The following TMEM182 variants were observed in gnomAD, a reference collection of about 807,000 sequenced individuals.
The protein encoded by TMEM182 is transmembrane protein 182.
In TMEM182, 20 loss-of-function variants were observed where a neutral mutation model predicts 26.8. That is an observed-to-expected ratio of 0.75 (90% CI 0.53 to 1.09). TMEM182 has a LOEUF of 1.09. Among genes scored for constraint, TMEM182 ranks in the 50% least tolerant of loss-of-function variants. The pLI is 0.00. For missense variants in TMEM182, 277 were observed against 275.5 expected (o/e 1.01, Z -0.04); for synonymous variants, 109 against 102.2 (o/e 1.07, Z -0.40).
chr2:102,764,683 A>T (rs1355463126), intron 3 of TMEM182, among the ~76,000 whole-genome samples: 1 of 152,166 alleles, frequency 6.6e-6, no homozygotes, highest in Non-Finnish European at 1.5e-5. Context: ...GTTTTCCCAT[A>T]TGAAGATAGT....
At chr2:102,840,595 C>G (rs913696630) in intron 3 of TMEM182, among the ~76,000 whole-genome samples, 1 of 151,934 alleles carries the variant, frequency 6.6e-6, no homozygotes, top group Non-Finnish European at 1.5e-5. Context: ...AATAAAGAGC[C>G]AAGGAATTAA....
At chr2:102,803,891 G>A (rs1485004496) in intron 4 of TMEM182, among the ~76,000 whole-genome samples, 7 of 151,622 alleles carry the variant, frequency 4.6e-5, no homozygotes, top group South Asian at 2.1e-4. Context: ...GCAGGCACAC[G>A]CAGCCCTGCC....
intron 4 of TMEM182, among the ~76,000 whole-genome samples, chr2:102,799,869 C>A (rs1682041597): frequency 6.6e-6 from 1 of 152,002 alleles, no homozygotes; most frequent in African/African-American, 2.4e-5. Context: ...GGAGAGGGGA[C>A]CTTTGTGGTT....
chr2:102,764,942 G>C (rs1239280072), intron 3 of TMEM182, among the ~76,000 whole-genome samples: 1 of 151,836 alleles, frequency 6.6e-6, no homozygotes. Flanking sequence ...CAGACAGACA[G>C]ATATCATTAA....
intron 3 of TMEM182, among the ~76,000 whole-genome samples, chr2:102,790,663 T>A (rs917969482): frequency 5.3e-5 from 8 of 152,204 alleles, no homozygotes; most frequent in African/African-American, 1.9e-4. Context: ...TATTTTTCCT[T>A]CCTGAAGGAT....
rs551181020 is a variant in TMEM182 at position 102,817,262 on chromosome 2, T to G, written c.*2294T>G. ...TTATTTCTCTATTGGTTGTATTTAT[T>G]AATTTTTAGAAGCCTTTAAACTGTG... On this transcript the variant is annotated 3_prime_UTR_variant, in exon 5 of 5. Coordinates refer to ENST00000412401, the MANE Select transcript of TMEM182 (RefSeq NM_144632.5). 1.0e-6 allele frequency: 1 copy of G among 985,300 alleles called. No individual in the cohort carries two copies. The highest frequency in any genetic ancestry group is 1.1e-4 in the East Asian group (1 of 8,816). The allele number at this position is 985,300 out of a possible 1,614,324, so 61.0% of individuals were successfully genotyped here. A position where few individuals can be genotyped will look rare whatever the true frequency, so the allele number is the denominator to read the frequency against.
chr2:102,808,861 T>C (rs1682444778), intron 4 of TMEM182, among the ~76,000 whole-genome samples: 1 of 152,358 alleles, frequency 6.6e-6, no homozygotes, highest in African/African-American at 2.4e-5. Flanking sequence ...ATTCCATTTA[T>C]AATGACGTTC....
At chr2:102,795,822 G>A (rs1681847451) in intron 3 of TMEM182, among the ~76,000 whole-genome samples, 2 of 152,120 alleles carry the variant, frequency 1.3e-5, no homozygotes, top group South Asian at 4.1e-4. Flanking sequence ...TGAATTCTGA[G>A]TTCTGGCCTC....
intron 4 of TMEM182, among the ~76,000 whole-genome samples, chr2:102,806,702 A>G (rs1682362778): frequency 6.6e-6 from 1 of 152,196 alleles, no homozygotes; most frequent in Non-Finnish European, 1.5e-5. Flanking sequence ...CATGCTTATT[A>G]GTTGTTTGTC....
intron 3 of TMEM182, among the ~76,000 whole-genome samples, chr2:102,778,618 G>C (rs1681029705): frequency 6.6e-6 from 1 of 151,780 alleles, no homozygotes; most frequent in African/African-American, 2.4e-5. Context: ...TTAGAATTCT[G>C]TTTTGATTTA....
chr2:102,786,548 C>T (rs1210405980), intron 3 of TMEM182, among the ~76,000 whole-genome samples: 7 of 152,240 alleles, frequency 4.6e-5, no homozygotes, highest in East Asian at 1.9e-4. Flanking sequence ...TGTTAACATT[C>T]GAAACCTTGA....
chr2:102,741,305 G>A lies in TMEM182; in HGVS notation c.-83+4292G>A, dbSNP rs554574180. Among the ~76,000 whole-genome samples the A allele has an allele frequency of 3.3e-5, 5 of 152,284 alleles. No individual in the cohort carries two copies. The South Asian group carries it at 1.0e-3, about 32-fold the overall frequency. On this transcript the variant is annotated intron_variant, in intron 1 of 5. Coordinates refer to the TMEM182 transcript ENST00000409173. ...CATGAGAGTTAGAAACTCTTAGAGA[G>A]TTAGTTTTAGGGATACCCCCACAAT...
At chr2:102,805,609 A>G (rs1298487953) in intron 4 of TMEM182, among the ~76,000 whole-genome samples, 1 of 127,742 alleles carries the variant, frequency 7.8e-6, no homozygotes, top group Non-Finnish European at 1.5e-5. Flanking sequence ...TCGTTCCCTC[A>G]AAAAAAAAAA....
upstream of TMEM182, among the ~76,000 whole-genome samples, chr2:102,757,886 A>G (rs1466078365): frequency 6.6e-6 from 1 of 152,206 alleles, no homozygotes; most frequent in African/African-American, 2.4e-5. Flanking sequence ...TGTGGCAGGA[A>G]AAAGAGAGTG....
chr2:102,826,065 C>A (rs1469033747), intron 3 of TMEM182, among the ~76,000 whole-genome samples: 1 of 152,130 alleles, frequency 6.6e-6, no homozygotes, highest in East Asian at 1.9e-4. Context: ...TTTAAATTCT[C>A]CACTGGCCAC....
chr2:102,791,807 T>G (rs1294720122), intron 3 of TMEM182, among the ~76,000 whole-genome samples: 1 of 152,142 alleles, frequency 6.6e-6, no homozygotes, highest in Non-Finnish European at 1.5e-5. Context: ...AATGGATTTT[T>G]AGAGATGCTT....
chr2:102,757,501 T>G (rs1680078761), upstream of TMEM182: 1 of 152,124 alleles, frequency 6.6e-6, no homozygotes, highest in Non-Finnish European at 1.5e-5. Flanking sequence ...ACACTGGTTG[T>G]TTCATATTCT....
intron 3 of TMEM182, among the ~76,000 whole-genome samples, chr2:102,779,592 C>T (rs1681072005): frequency 6.6e-6 from 1 of 152,060 alleles, no homozygotes; most frequent in Admixed American, 6.6e-5. Flanking sequence ...TTTTCTCTGT[C>T]CCCTTCATTC....
chr2:102,785,308 A>G (rs1681342505), intron 3 of TMEM182, among the ~76,000 whole-genome samples: 1 of 152,102 alleles, frequency 6.6e-6, no homozygotes, highest in Non-Finnish European at 1.5e-5. Context: ...CTCCCCTTTA[A>G]GAATCACCTC....
Sources: allele counts gnomAD v4.1 joint callset (sites outside exome capture counted in the v4.1 genomes callset), GRCh38; gene constraint gnomAD v4.1.1; transcripts MANE v1.5; gene names NCBI Gene and HGNC (gene_info 2026-07-23, HGNC 2026-07-21).